The following NPAS3 variants were observed in gnomAD, a reference collection of about 807,000 sequenced individuals.
NPAS3 encodes the protein neuronal PAS domain-containing protein 3.
NPAS3 carries 14 observed loss-of-function variants against 73.1 expected under a neutral mutation model. The ratio of observed to expected loss-of-function variants is 0.19; its 90% CI spans 0.13 to 0.30. NPAS3 has a LOEUF of 0.30. Among genes scored for constraint, NPAS3 ranks in the 10% least tolerant of loss-of-function variants. The probability of loss-of-function intolerance (pLI) is 1.00; values close to 1 mark genes in which losing one functional copy is unlikely to be tolerated. For missense variants in NPAS3, 1,096 were observed against 1,250.0 expected (o/e 0.88, Z 1.86); for synonymous variants, 620 against 541.5 (o/e 1.14, Z -2.01).
At chr14:33,413,925 G>T (rs900474567) in intron 4 of NPAS3, among the ~76,000 whole-genome samples, 29 of 151,942 alleles carry the variant, frequency 1.9e-4, no homozygotes, top group African/African-American at 6.8e-4. Flanking sequence ...TCCCATTGTT[G>T]CTGTTAAAAT....
intron 4 of NPAS3, among the ~76,000 whole-genome samples, chr14:33,551,882 A>G (rs1180189121): frequency 6.6e-6 from 1 of 152,160 alleles, no homozygotes; most frequent in African/African-American, 2.4e-5. Flanking sequence ...AACAACACCA[A>G]CCTGCAAGAG....
chr14:33,136,886 T>C (rs181066899), intron 2 of NPAS3, among the ~76,000 whole-genome samples: 9 of 152,318 alleles, frequency 5.9e-5, no homozygotes, highest in East Asian at 5.8e-4. Context: ...TTTTAATTCA[T>C]TGATTTAACT....
At chr14:33,434,352 C>T (rs1317438562) in intron 4 of NPAS3, among the ~76,000 whole-genome samples, 1 of 151,902 alleles carries the variant, frequency 6.6e-6, no homozygotes, top group African/African-American at 2.4e-5. Flanking sequence ...TATGGTGAGA[C>T]CCCATCTCTA....
At chr14:33,321,977 G>T (rs2043467090) in intron 3 of NPAS3, among the ~76,000 whole-genome samples, 1 of 152,112 alleles carries the variant, frequency 6.6e-6, no homozygotes, top group Non-Finnish European at 1.5e-5. Context: ...TGACAAATCT[G>T]CAGGACTGAA....
intron 3 of NPAS3, among the ~76,000 whole-genome samples, chr14:33,294,330 C>G (rs2042212353): frequency 6.6e-6 from 1 of 152,134 alleles, no homozygotes; most frequent in Non-Finnish European, 1.5e-5. Flanking sequence ...TTCTGGAATG[C>G]TCGATCCCAG....
intron 1 of NPAS3, among the ~76,000 whole-genome samples, chr14:32,994,815 A>G (rs2038498288): frequency 6.6e-6 from 1 of 151,984 alleles, no homozygotes; most frequent in Non-Finnish European, 1.5e-5. Flanking sequence ...TATTTTCAGT[A>G]GAGATGGGAT....
rs537509892 is a variant in NPAS3 at position 33,497,864 on chromosome 14, A to G, written c.469-62257A>G. 2.7e-5 allele frequency among the ~76,000 whole-genome samples: 4 copies of G among 150,336 alleles called. No individual in the cohort carries two copies. In the East Asian group the frequency reaches 8.0e-4, roughly 30 times the overall value. On this transcript the variant is annotated intron_variant, in intron 4 of 11. Transcript: ENST00000356141. ...GACAAATGGGATCTAATTAAACTAAAGAGCTCTACACAGCAAACAAAACGA... is the reference window on the plus strand; with the variant it reads ...GACAAATGGGATCTAATTAAACTAAGGAGCTCTACACAGCAAACAAAACGA...
intron 1 of NPAS3, among the ~76,000 whole-genome samples, chr14:33,041,075 A>T (rs2040333260): frequency 6.6e-6 from 1 of 152,154 alleles, no homozygotes; most frequent in Admixed American, 6.5e-5. Context: ...TTGGTGTGGA[A>T]GTAGGAGGTG....
intron 9 of NPAS3, among the ~76,000 whole-genome samples, chr14:33,783,571 T>C (rs1353600816): frequency 1.4e-5 from 2 of 142,166 alleles, no homozygotes; most frequent in African/African-American, 5.1e-5. Flanking sequence ...ATTTGTATTA[T>C]TTTGTCTTAG....
intron 5 of NPAS3, among the ~76,000 whole-genome samples, chr14:33,613,295 A>T (rs993839157): frequency 1.3e-5 from 2 of 152,156 alleles, no homozygotes; most frequent in Non-Finnish European, 2.9e-5. Flanking sequence ...GAGGAAACAG[A>T]TCCTTTGAGG....
rs1251249861 is a variant in NPAS3 at position 33,800,062 on chromosome 14, C to A, written c.1755C>A (p.Ser585Arg). ...CCGACAGCGCCAAGGACTCGGACAGCGCAGGCGAGGCGGGCGCGCAGGCCT... is the reference window on the plus strand; with the variant it reads ...CCGACAGCGCCAAGGACTCGGACAGAGCAGGCGAGGCGGGCGCGCAGGCCT... Residue 585 changes from serine to arginine, a missense_variant, in exon 12 of 12, where the codon AGC (serine) becomes AGA (arginine). Physicochemically the swap from Ser to Arg is moderately radical, Grantham distance 110. This residue lies in a region of NPAS3 where 698 missense variants were observed against 676.7 expected (regional missense o/e 1.03). Transcript: ENST00000356141. This position sits in a 1 kb window ranked among gnomAD's most constrained non-coding sequence, Gnocchi z 6.5. 3.1e-6 allele frequency: 5 copies of A among 1,604,286 alleles called. No homozygotes were observed. The highest frequency in any genetic ancestry group is 4.2e-6 in the Non-Finnish European group (5 of 1,178,100).
Position 33,497,807 on chromosome 14 carries a change from C to T in NPAS3, c.469-62314C>T, listed in dbSNP as rs149503037. On this transcript the variant is annotated intron_variant, in intron 4 of 11. Coordinates refer to ENST00000356141, the Ensembl canonical transcript of NPAS3. The stretch of plus-strand genomic sequence containing the variant: ...GCATGGGCAGACTTCATGACTAAAT[C>T]ACCAAAAGCAATGGCAACAAAAGCC... Among the ~76,000 whole-genome samples the T allele has an allele frequency of 3.9e-5, 6 of 152,222 alleles. No individual in the cohort carries two copies. The East Asian group carries it at 1.2e-3, about 29-fold the overall frequency.
At chr14:33,092,891 G>C (rs1282812216) in intron 2 of NPAS3, among the ~76,000 whole-genome samples, 2 of 152,144 alleles carry the variant, frequency 1.3e-5, no homozygotes, top group Non-Finnish European at 2.9e-5. Flanking sequence ...TTTAATAAAT[G>C]GTGCTGGGAA....
intron 2 of NPAS3, among the ~76,000 whole-genome samples, chr14:33,209,698 A>G (rs1183948579): frequency 6.6e-6 from 1 of 152,200 alleles, no homozygotes; most frequent in African/African-American, 2.4e-5. Context: ...AAGTAGGAAA[A>G]TCCATAAAAA....
At chr14:33,310,724 T>C (rs896484827) in intron 3 of NPAS3, among the ~76,000 whole-genome samples, 5 of 150,664 alleles carry the variant, frequency 3.3e-5, no homozygotes, top group African/African-American at 1.2e-4. Context: ...GTTAAAAAGA[T>C]GAAATAAGAC....
At chr14:33,743,293 T>C (rs527950182) in intron 7 of NPAS3, among the ~76,000 whole-genome samples, 38 of 152,334 alleles carry the variant, frequency 2.5e-4, no homozygotes, top group South Asian at 1.0e-3. Flanking sequence ...AGTATGGATA[T>C]TGTGTTAGCA....
At chr14:33,795,647 G>A (rs2063491801) in intron 10 of NPAS3, among the ~76,000 whole-genome samples, 1 of 152,192 alleles carries the variant, frequency 6.6e-6, no homozygotes, top group South Asian at 2.1e-4. Context: ...AGTCATCTAT[G>A]TAGTTGTTAC....
intron 1 of NPAS3, among the ~76,000 whole-genome samples, chr14:33,046,041 A>G (rs1050375427): frequency 6.6e-6 from 1 of 152,216 alleles, no homozygotes; most frequent in Non-Finnish European, 1.5e-5. Flanking sequence ...GAACAAAACA[A>G]CAAGAAGATT....
At chr14:32,943,350 AGCAG>A (rs1204901860) in intron 1 of NPAS3, among the ~76,000 whole-genome samples, 9 of 152,254 alleles carry the variant, frequency 5.9e-5, no homozygotes, top group African/African-American at 1.9e-4. Flanking sequence ...CAGAAATTGG[AGCAG>A]TTTGATAATT....
Sources: allele counts gnomAD v4.1 joint callset (sites outside exome capture counted in the v4.1 genomes callset), GRCh38; gene constraint gnomAD v4.1.1; regional missense constraint gnomAD v4.1.1; non-coding constraint Gnocchi (gnomAD v3.1); transcripts MANE v1.5; gene names NCBI Gene and HGNC (gene_info 2026-07-23, HGNC 2026-07-21).